CDH13: variants seen among roughly 807,000 people sequenced by gnomAD.
CDH13 encodes the protein cadherin 13, also known as cadherin-13.
In CDH13, 24 loss-of-function variants were observed where a neutral mutation model predicts 63.8. The ratio of observed to expected loss-of-function variants is 0.38; its 90% CI spans 0.27 to 0.53. The LOEUF is 0.53. Ranked by LOEUF, CDH13 falls within the 20% of genes least tolerant of loss-of-function variation. CDH13 has a pLI of 0.85. For synonymous variants in CDH13, 503 were observed against 355.3 expected (o/e 1.42, Z -4.67); for missense variants, 1,049 against 903.1 (o/e 1.16, Z -2.07).
At chr16:83,098,049 A>G (rs76339672) in intron 3 of CDH13, among the ~76,000 whole-genome samples, 10,152 of 152,236 alleles carry the variant, frequency 0.067, 547 homozygotes, top group African/African-American at 0.15. Flanking sequence ...AAGTTAGGAT[A>G]CTATTGGGAT....
At chr16:82,868,923 CAAAA>C (rs932489217) in intron 2 of CDH13, among the ~76,000 whole-genome samples, 11 of 151,934 alleles carry the variant, frequency 7.2e-5, no homozygotes, top group Non-Finnish European at 1.5e-4. Flanking sequence ...AAAAACAAAA[CAAAA>C]AAACTCACTG....
chr16:82,937,194 T>A (rs148389688), intron 2 of CDH13, among the ~76,000 whole-genome samples: 231 of 152,320 alleles, frequency 1.5e-3, no homozygotes, highest in Middle Eastern at 3.4e-3. Context: ...CTTTTTCTTT[T>A]TTTTCTGATG....
chr16:83,460,837 A>C (rs1246291109), intron 6 of CDH13, among the ~76,000 whole-genome samples: 1 of 53,368 alleles, frequency 1.9e-5, no homozygotes. Context: ...GTCTCTACAA[A>C]TAATTAAAAA....
chr16:82,721,991 C>G (rs185513952), intron 1 of CDH13, among the ~76,000 whole-genome samples: 2 of 152,290 alleles, frequency 1.3e-5, no homozygotes, highest in Admixed American at 1.3e-4. Context: ...CCCTCTCTCA[C>G]TGACCCATAG....
chr16:82,868,583 TCAGA>T (rs1008499517), intron 2 of CDH13, among the ~76,000 whole-genome samples: 1 of 152,210 alleles, frequency 6.6e-6, no homozygotes, highest in African/African-American at 2.4e-5. Flanking sequence ...GAAGGACTTC[TCAGA>T]CGAGGAACAT....
chr16:83,157,738 T>G (rs1256553930), intron 4 of CDH13, among the ~76,000 whole-genome samples: 2 of 99,538 alleles, frequency 2.0e-5, no homozygotes, highest in South Asian at 3.2e-4. Flanking sequence ...ACTAGAAATA[T>G]AAAAAAAAAA....
chr16:82,890,625 C>G (rs1258912972), intron 2 of CDH13, among the ~76,000 whole-genome samples: 1 of 150,004 alleles, frequency 6.7e-6, no homozygotes, highest in African/African-American at 2.5e-5. Flanking sequence ...TTCATACAAA[C>G]TATAAATTGA....
chr16:82,704,203 C>T (rs1400738536), intron 1 of CDH13, among the ~76,000 whole-genome samples: 1 of 152,138 alleles, frequency 6.6e-6, no homozygotes, highest in Non-Finnish European at 1.5e-5. Context: ...CAATCCTCAG[C>T]CTTCAGCAGG....
intron 3 of CDH13, among the ~76,000 whole-genome samples, chr16:83,110,646 C>T (rs1275012556): frequency 2.0e-5 from 3 of 152,128 alleles, no homozygotes; most frequent in African/African-American, 4.8e-5. Flanking sequence ...AAGCTCCTCC[C>T]TGGGCCTGGT....
chr16:83,734,654 G>A (rs1597146801), intron 10 of CDH13, among the ~76,000 whole-genome samples: 1 of 151,210 alleles, frequency 6.6e-6, no homozygotes, highest in Non-Finnish European at 1.5e-5. Context: ...AATGGGTGCA[G>A]CACACCAGCA....
At chr16:83,768,801 C>G (rs750984589) in intron 11 of CDH13, among the ~76,000 whole-genome samples, 1 of 151,978 alleles carries the variant, frequency 6.6e-6, no homozygotes, top group Non-Finnish European at 1.5e-5. Context: ...AGAGGTCACT[C>G]TCATCGCCAT....
intron 1 of CDH13, among the ~76,000 whole-genome samples, chr16:82,698,677 T>C (rs902404417): frequency 1.3e-5 from 2 of 152,198 alleles, no homozygotes; most frequent in African/African-American, 4.8e-5. Flanking sequence ...AAACATCCCA[T>C]GGCTGAGCCC....
At chr16:83,039,074 C>G (rs1917114248) in intron 3 of CDH13, among the ~76,000 whole-genome samples, 1 of 152,216 alleles carries the variant, frequency 6.6e-6, no homozygotes, top group Non-Finnish European at 1.5e-5. Flanking sequence ...GGCCAGGCAG[C>G]TGGTCCTTAT....
intron 6 of CDH13, among the ~76,000 whole-genome samples, chr16:83,351,738 T>C (rs1334585511): frequency 6.6e-6 from 1 of 152,216 alleles, no homozygotes; most frequent in Non-Finnish European, 1.5e-5. Context: ...TTACATGAGC[T>C]GGATTAATGG....
intron 5 of CDH13, among the ~76,000 whole-genome samples, chr16:83,273,579 A>T (rs1236335122): frequency 2.6e-5 from 4 of 152,178 alleles, no homozygotes; most frequent in African/African-American, 9.7e-5. Flanking sequence ...GGCAACATGG[A>T]TGGAGCTGTG....
intron 6 of CDH13, among the ~76,000 whole-genome samples, chr16:83,434,329 C>A (rs2072219136): frequency 6.6e-6 from 1 of 152,140 alleles, no homozygotes; most frequent in Non-Finnish European, 1.5e-5. Context: ...GCTAGATAGC[C>A]TTGGCTCTGA....
chr16:82,897,887 G>A (rs1056170698), intron 2 of CDH13, among the ~76,000 whole-genome samples: 5 of 152,066 alleles, frequency 3.3e-5, no homozygotes, highest in Admixed American at 3.3e-4. Context: ...TCACTAGTCG[G>A]CAAACATTTA....
intron 7 of CDH13, among the ~76,000 whole-genome samples, chr16:83,578,579 A>G (rs539798842): frequency 1.6e-4 from 24 of 152,294 alleles, no homozygotes; most frequent in African/African-American, 5.5e-4. Flanking sequence ...GAGAGGTACT[A>G]AGGGCAGTAA....
intron 2 of CDH13, among the ~76,000 whole-genome samples, chr16:83,002,035 G>C (rs1288133100): frequency 6.6e-6 from 1 of 152,170 alleles, no homozygotes; most frequent in African/African-American, 2.4e-5. Flanking sequence ...TGTGAACTGA[G>C]CACTTCAACG....
Sources: gnomAD v4.1 joint callset for allele counts (sites outside exome capture counted in the v4.1 genomes callset) on GRCh38, gnomAD v4.1.1 for gene constraint, MANE v1.5 for transcripts, NCBI Gene and HGNC (gene_info 2026-07-23, HGNC 2026-07-21) for gene names.